BEND4: variants seen among roughly 807,000 people sequenced by gnomAD.
The protein encoded by BEND4 is BEN domain-containing protein 4.
BEND4 carries 27 observed loss-of-function variants against 54.7 expected under a neutral mutation model. The ratio of observed to expected loss-of-function variants is 0.49; its 90% confidence interval spans 0.36 to 0.68. BEND4 has a LOEUF of 0.68. Among genes scored for constraint, BEND4 ranks in the 30% least tolerant of loss-of-function variants. The probability of loss-of-function intolerance (pLI) is 0.00; values close to 1 mark genes in which losing one functional copy is unlikely to be tolerated. For synonymous variants in BEND4, 327 were observed against 299.5 expected (o/e 1.09, Z -0.95); for missense variants, 702 against 697.2 (o/e 1.01, Z -0.08).
At chr4:42,151,487 G>A (rs1390325657) in intron 2 of BEND4, 170 bp downstream of exon 2, 5 of 646,592 alleles carry the variant, frequency 7.7e-6, no homozygotes, top group African/African-American at 7.7e-5. Context: ...CGGCGGCGCT[G>A]GAGAATCCTC....
chr4:42,129,444 C>CA (rs1229785135), intron 3 of BEND4, among the ~76,000 whole-genome samples: 4 of 151,526 alleles, frequency 2.6e-5, no homozygotes, highest in East Asian at 3.9e-4. Context: ...TCTTATGGAA[C>CA]AAAAAAAAGA....
intron 4 of BEND4, 107 bp downstream of exon 4, chr4:42,125,476 T>C: frequency 1.2e-6 from 1 of 822,904 alleles, no homozygotes; most frequent in East Asian, 2.7e-5. Context: ...TAAACCTCAG[T>C]CAAAAACTAT....
intron 3 of BEND4, among the ~76,000 whole-genome samples, chr4:42,128,465 A>C (rs1397068317): frequency 1.3e-5 from 2 of 152,016 alleles, no homozygotes; most frequent in Non-Finnish European, 2.9e-5. Context: ...CTATTAAAAA[A>C]CACAAAAAAT....
Position 42,147,978 on chromosome 4 carries a change from G to A in BEND4, c.487+3679C>T, listed in dbSNP as rs114245856. Among the ~76,000 whole-genome samples the A allele has an allele frequency of 6.7e-3, 1,014 of 152,216 alleles. 12 individuals are homozygous for A. The highest frequency in any genetic ancestry group is 0.024 in the African/African-American group (982 of 41,518). On this transcript the variant is annotated intron_variant, in intron 2 of 5. Transcript: ENST00000502486. ...AAGGAGATCACAGTAGTCAAGATTA[G>A]TGGTAACCTTTTGATTTTAGCCCAG... is the stretch of plus-strand genomic sequence containing the variant.
Position 42,114,465 on chromosome 4 carries a change from C to G in BEND4, c.*3053G>C, listed in dbSNP as rs990977027. The G allele has an allele frequency of 2.0e-5, 3 of 152,208 alleles. No individual in the cohort carries two copies. 9.4% of individuals were successfully genotyped at this position (152,208 alleles called of 1,614,324 possible). ...TCCTCTCACCAATTAAGTGGGGGCA[C>G]AGCTGCATCCTGAGCTGTTTTAACT... is the stretch of plus-strand genomic sequence containing the variant. On this transcript the variant is annotated 3_prime_UTR_variant, in exon 6 of 6. Coordinates refer to ENST00000502486, the MANE Select transcript of BEND4 (RefSeq NM_207406.4).
chr4:42,137,714 A>C (rs1720741735), intron 3 of BEND4, among the ~76,000 whole-genome samples: 1 of 152,174 alleles, frequency 6.6e-6, no homozygotes, highest in Non-Finnish European at 1.5e-5. Flanking sequence ...AAAATTTTGC[A>C]AACCATGGGG....
rs4861163 is a variant in BEND4, at chr4:42,115,156, C to T, written c.*2362G>A. On this transcript the variant is annotated 3_prime_UTR_variant, in exon 6 of 6. Coordinates refer to ENST00000502486, the MANE Select transcript of BEND4 (RefSeq NM_207406.4). Reference sequence around the variant, plus strand: ...AACAATTAGTCTCAACATTCAGAATCTGTGGATGGAGAAACAGCTGATAGA... The same window carrying T: ...AACAATTAGTCTCAACATTCAGAATTTGTGGATGGAGAAACAGCTGATAGA... The T allele has an allele frequency of 0.27, 40,488 of 152,096 alleles. 5,837 individuals carry two copies. The highest frequency in any genetic ancestry group is 0.39 in the African/African-American group (16,026 of 41,410). 9.4% of individuals were successfully genotyped at this position (152,096 alleles called of 1,614,324 possible). A position where few individuals can be genotyped will look rare whatever the true frequency, so the allele number is the denominator to read the frequency against.
At chr4:42,151,564 G>A in intron 2 of BEND4, 93 bp downstream of exon 2, 1 of 1,304,864 alleles carries the variant, frequency 7.7e-7, no homozygotes, top group Non-Finnish European at 9.9e-7. Flanking sequence ...CCCAGCACGG[G>A]TAAGTGTCGG....
At position 42,114,777 on chromosome 4, in the gene BEND4, C is replaced by G. The variant is rs10016837; in HGVS notation, c.*2741G>C. 24,421 of 152,076 alleles carry G rather than the reference C, an allele frequency of 0.16. 2,166 individuals are homozygous for G. The highest frequency in any genetic ancestry group is 0.24 in the African/African-American group (10,153 of 41,444). The allele number at this position is 152,076 out of a possible 1,614,324, so 9.4% of individuals were successfully genotyped here. ...CATCCTTTGTTGGTCCTGATTTAAA[C>G]AAGAGGAGACCATGCAGACGACCAC... On this transcript the variant is annotated 3_prime_UTR_variant, in exon 6 of 6. Transcript: ENST00000502486.
rs1267103027 is a variant in BEND4 at position 42,114,721 on chromosome 4, G to A, written c.*2797C>T. The A allele has an allele frequency of 6.6e-6, 1 of 152,160 alleles. No individual in the cohort carries two copies. The highest frequency in any genetic ancestry group is 1.5e-5 in the Non-Finnish European group (1 of 68,022). The allele number at this position is 152,160 out of a possible 1,614,324, so 9.4% of individuals were successfully genotyped here. A position where few individuals can be genotyped will look rare whatever the true frequency, so the allele number is the denominator to read the frequency against. On this transcript the variant is annotated 3_prime_UTR_variant, in exon 6 of 6. Transcript: ENST00000502486. ...GAGCTTTTAACCTGGCTACACAGAG[G>A]CCCAATGGGCCTTGCCAAAATACAA... is the stretch of plus-strand genomic sequence containing the variant.
chr4:42,121,038 A>G (rs1720038845), intron 4 of BEND4, among the ~76,000 whole-genome samples: 1 of 152,174 alleles, frequency 6.6e-6, no homozygotes, highest in Admixed American at 6.6e-5. Flanking sequence ...AATTGCACCT[A>G]CACAACCATT....
rs536886867 is a variant in BEND4 at position 42,135,254 on chromosome 4, A to T, written c.1054+8174T>A. 3.3e-5 allele frequency among the ~76,000 whole-genome samples: 5 copies of T among 152,298 alleles called. No individual in the cohort carries two copies. The South Asian group carries it at 6.2e-4, about 19-fold the overall frequency. On this transcript the variant is annotated intron_variant, in intron 3 of 5. Transcript: ENST00000502486. Reference sequence around the variant, plus strand: ...TGATTGGGAGTCGGAAGGAGAGATGAGCTCTGGATGGATCTGAGGTCCCCT... The same window carrying T: ...TGATTGGGAGTCGGAAGGAGAGATGTGCTCTGGATGGATCTGAGGTCCCCT...
At chr4:42,150,203 G>C (rs1426011879) in intron 2 of BEND4, among the ~76,000 whole-genome samples, 2 of 151,964 alleles carry the variant, frequency 1.3e-5, no homozygotes, top group Non-Finnish European at 2.9e-5. Flanking sequence ...CCTTAAGAAG[G>C]GGGGAAAAAG....
intron 3 of BEND4, among the ~76,000 whole-genome samples, chr4:42,132,514 G>A (rs141121949): frequency 0.03 from 4,505 of 152,060 alleles, 104 homozygotes; most frequent in Non-Finnish European, 0.045. Flanking sequence ...GTGTGACCTC[G>A]GCTCACTGCA....
In BEND4 at chr4:42,115,281, G is replaced by T. The variant is rs1719756592; in HGVS notation, c.*2237C>A. On this transcript the variant is annotated 3_prime_UTR_variant, in exon 6 of 6. Coordinates refer to ENST00000502486, the MANE Select transcript of BEND4 (RefSeq NM_207406.4). Reference sequence around the variant, plus strand: ...CCTGGGACAGCAGCCTTCTCAGGAGGTAACAGTGACAGCCAAAACACAGGC... The same window carrying T: ...CCTGGGACAGCAGCCTTCTCAGGAGTTAACAGTGACAGCCAAAACACAGGC... 6.6e-6 allele frequency: 1 copy of T among 152,284 alleles called. No individual in the cohort carries two copies. The highest frequency in any genetic ancestry group is 6.5e-5 in the Admixed American group (1 of 15,286). 9.4% of individuals were successfully genotyped at this position (152,284 alleles called of 1,614,324 possible).
At chr4:42,125,964 C>T (rs1233951566) in intron 3 of BEND4, among the ~76,000 whole-genome samples, 1 of 152,046 alleles carries the variant, frequency 6.6e-6, no homozygotes, top group Non-Finnish European at 1.5e-5. Context: ...TGGTCTTGAG[C>T]TCCTGGCCTC....
Position 42,151,760 on chromosome 4 carries a change from CGAG to C in BEND4, c.381_383del (p.Ser131del). The C allele has an allele frequency of 6.7e-7, 1 of 1,498,542 alleles. No individual in the cohort carries two copies. Among genetic ancestry groups the C allele is most frequent in the Non-Finnish European group, 8.8e-7 (1 of 1,130,462 alleles). The allele number at this position is 1,498,542 out of a possible 1,614,324, so 92.8% of individuals were successfully genotyped here. ...TGACGACAGCGGCGAACGAAGACGA[CGAG>C]GAGGCGGCGGGGGACGCGGGCGGCG... On this transcript the variant is annotated inframe_deletion, in exon 2 of 6. Transcript: ENST00000502486.
At chr4:42,119,244 A>T (rs1304230082) in intron 5 of BEND4, among the ~76,000 whole-genome samples, 3 of 152,064 alleles carry the variant, frequency 2.0e-5, no homozygotes, top group African/African-American at 2.4e-5. Context: ...ACCAGGAAAA[A>T]TTTTTATCCC....
rs766330986 is a variant in BEND4 at position 42,143,630 on chromosome 4, G to C, written c.852C>G (p.Thr284=). The C allele has an allele frequency of 6.2e-7, 1 of 1,612,312 alleles. No individual in the cohort carries two copies. The highest frequency in any genetic ancestry group is 8.5e-7 in the Non-Finnish European group (1 of 1,179,188). ...AGCCACCTAATGTATGCACAGGAGA[G>C]GTTGACAGAGGATCCACGTCGGCCA... ...GHLADVDPLS[T]SPVHTLGGWT... is the part of the protein sequence containing the mutation. Residue 284 remains threonine, a synonymous_variant, in exon 3 of 6, where the codon ACC becomes ACG. Coordinates refer to ENST00000502486, the MANE Select transcript of BEND4 (RefSeq NM_207406.4).
Sources: gnomAD v4.1 joint callset for allele counts (sites outside exome capture counted in the v4.1 genomes callset) on GRCh38, gnomAD v4.1.1 for gene constraint, MANE v1.5 for transcripts, NCBI Gene and HGNC (gene_info 2026-07-23, HGNC 2026-07-21) for gene names.